Variants in ATXN10 observed in about 807,000 individuals in gnomAD.
ATXN10 encodes ataxin 10, also known as ataxin-10.
A neutral mutation model predicts 52.9 loss-of-function variants in ATXN10; 28 were observed. The ratio of observed to expected loss-of-function variants is 0.53; its 90% CI spans 0.39 to 0.73. ATXN10 has a LOEUF of 0.73. Ranked by LOEUF, ATXN10 falls within the 30% of genes least tolerant of loss-of-function variation. The probability of loss-of-function intolerance (pLI) is 0.00; values close to 1 mark genes in which losing one functional copy is unlikely to be tolerated. For missense variants in ATXN10, 565 were observed against 577.0 expected (o/e 0.98, Z 0.21); for synonymous variants, 226 against 221.5 (o/e 1.02, Z -0.18).
In ATXN10 at chr22:45,833,554, T is replaced by C. The variant is rs552246585; in HGVS notation, c.1238-9437T>C. On this transcript the variant is annotated intron_variant, in intron 10 of 11. Coordinates refer to ENST00000252934, the MANE Select transcript of ATXN10 (RefSeq NM_013236.4). The surrounding 1 kb of genome is among the most constrained non-coding windows in gnomAD (Gnocchi z 4.3). ...CAGTGCTAGACGAACACTAATGTCT[T>C]ATAACTTAGGTGGGTTTACTTTTTC... is the stretch of plus-strand genomic sequence containing the variant. Among the ~76,000 whole-genome samples the C allele has an allele frequency of 6.6e-6, 1 of 152,338 alleles. No homozygotes were observed. Among genetic ancestry groups the C allele is most frequent in the Admixed American group, 6.5e-5 (1 of 15,304 alleles).
rs1036535421 is a variant in ATXN10, at chr22:45,681,303, A to G, written c.117-8409A>G. Among the ~76,000 whole-genome samples the G allele has an allele frequency of 6.6e-6, 1 of 151,634 alleles. No individual in the cohort carries two copies. Among genetic ancestry groups the G allele is most frequent in the Admixed American group, 6.5e-5 (1 of 15,272 alleles). On this transcript the variant is annotated intron_variant, in intron 1 of 11. Transcript: ENST00000252934. The surrounding 1 kb of genome is among the most constrained non-coding windows in gnomAD (Gnocchi z 4.2). ...CATCCCATCTCAGACACACATTGCC[A>G]TACCTTACTTAGACTTTATCCATAA...
rs148590755 is a variant in ATXN10 at position 45,757,466 on chromosome 22, G to C, written c.1173+16928G>C. Reference sequence around the variant, plus strand: ...GGGATTCAGGATTTCGCTGCTCCCCGTTCAAGGCCTCTGGAGAATGTTCCA... The same window carrying C: ...GGGATTCAGGATTTCGCTGCTCCCCCTTCAAGGCCTCTGGAGAATGTTCCA... On this transcript the variant is annotated intron_variant, in intron 9 of 11. Transcript: ENST00000252934. This position sits in a 1 kb window ranked among gnomAD's most constrained non-coding sequence, Gnocchi z 4.6. Among the ~76,000 whole-genome samples, 1 of 152,138 alleles carries C rather than the reference G, an allele frequency of 6.6e-6. No homozygotes were observed. Among genetic ancestry groups the C allele is most frequent in the Non-Finnish European group, 1.5e-5 (1 of 68,016 alleles).
At chr22:45,697,755 C>T (rs142967850) in intron 3 of ATXN10, among the ~76,000 whole-genome samples, 2,788 of 152,220 alleles carry the variant, frequency 0.018, 42 homozygotes, top group Non-Finnish European at 0.03. Flanking sequence ...CTCAGCCTCC[C>T]GCACAGCTGG....
chr22:45,719,787 C>T (rs1924581086), intron 6 of ATXN10, among the ~76,000 whole-genome samples: 1 of 152,204 alleles, frequency 6.6e-6, no homozygotes, highest in Non-Finnish European at 1.5e-5. Flanking sequence ...GTCACCTCCT[C>T]TTGCCCCTGC....
chr22:45,689,925 A>C, intron 2 of ATXN10, 22 bp downstream of exon 2: 5 of 1,611,332 alleles, frequency 3.1e-6, no homozygotes, highest in Non-Finnish European at 4.2e-6. Flanking sequence ...CGTACCTTGG[A>C]TTCTGTTTCT....
At chr22:45,779,724 G>A in intron 9 of ATXN10, among the ~76,000 whole-genome samples, 1 of 152,162 alleles carries the variant, frequency 6.6e-6, no homozygotes, top group East Asian at 1.9e-4. Context: ...GCCTTGCATG[G>A]TTACAGACAA....
intron 7 of ATXN10, among the ~76,000 whole-genome samples, chr22:45,737,450 G>A (rs933950648): frequency 2.0e-5 from 3 of 152,062 alleles, no homozygotes; most frequent in Non-Finnish European, 4.4e-5. Context: ...TTTTAACATG[G>A]TACTACTAAT....
Position 45,823,210 on chromosome 22 carries a change from C to T in ATXN10, c.1237+16188C>T. ...TCCCGTCTCCCTCACTGCCAATCCC[C>T]AGATGTAACTTCTGTTCTGACTTCT... On this transcript the variant is annotated intron_variant, in intron 10 of 11. Transcript: ENST00000252934. The surrounding 1 kb of genome is among the most constrained non-coding windows in gnomAD (Gnocchi z 4.9). 2.1e-6 allele frequency: 1 copy of T among 471,664 alleles called. No homozygotes were observed. The highest frequency in any genetic ancestry group is 4.4e-6 in the Non-Finnish European group (1 of 227,172). 29.2% of individuals were successfully genotyped at this position (471,664 alleles called of 1,614,324 possible). A position where few individuals can be genotyped will look rare whatever the true frequency, so the allele number is the denominator to read the frequency against.
At chr22:45,788,688 C>T (rs1927403582) in intron 9 of ATXN10, among the ~76,000 whole-genome samples, 1 of 151,998 alleles carries the variant, frequency 6.6e-6, no homozygotes, top group Non-Finnish European at 1.5e-5. Context: ...ACAGGGTCTC[C>T]CTCTGCTGCC....
rs1318834222 is a variant in ATXN10 at position 45,837,115 on chromosome 22, A to T, written c.1238-5876A>T. 6.7e-6 allele frequency among the ~76,000 whole-genome samples: 1 copy of T among 148,606 alleles called. No homozygotes were observed. On this transcript the variant is annotated intron_variant, in intron 10 of 11. Transcript: ENST00000252934. This position sits in a 1 kb window ranked among gnomAD's most constrained non-coding sequence, Gnocchi z 5.8. ...GATGCGAAAACAATGCAGATATTACATATAATATATGTATCTGTTATACAG... is the reference window on the plus strand; with the variant it reads ...GATGCGAAAACAATGCAGATATTACTTATAATATATGTATCTGTTATACAG...
At chr22:45,713,020 A>G (rs1366333885) in intron 5 of ATXN10, among the ~76,000 whole-genome samples, 1 of 151,838 alleles carries the variant, frequency 6.6e-6, no homozygotes, top group Non-Finnish European at 1.5e-5. Flanking sequence ...TATTTTACTC[A>G]TGTTGTGAGT....
Position 45,786,907 on chromosome 22 carries a change from C to T in ATXN10, c.1174-20052C>T, listed in dbSNP as rs762913707. Among the ~76,000 whole-genome samples, 1 of 151,978 alleles carries T rather than the reference C, an allele frequency of 6.6e-6. No individual in the cohort carries two copies. Among genetic ancestry groups the T allele is most frequent in the Non-Finnish European group, 1.5e-5 (1 of 67,992 alleles). On this transcript the variant is annotated intron_variant, in intron 9 of 11. Transcript: ENST00000252934. This position sits in a 1 kb window ranked among gnomAD's most constrained non-coding sequence, Gnocchi z 4.1. Reference sequence around the variant, plus strand: ...TTTGTTTTGTTTTTGTCCAGTAATTCTTTTCGGAATTTCTCCAAAGGAAAT... The same window carrying T: ...TTTGTTTTGTTTTTGTCCAGTAATTTTTTTCGGAATTTCTCCAAAGGAAAT...
At chr22:45,791,266 A>G (rs1019590106) in intron 9 of ATXN10, among the ~76,000 whole-genome samples, 4 of 152,166 alleles carry the variant, frequency 2.6e-5, no homozygotes, top group African/African-American at 7.2e-5. Flanking sequence ...GATTTTCTGA[A>G]CATCCTTGAT....
chr22:45,798,935 C>A (rs1927839520), intron 9 of ATXN10, among the ~76,000 whole-genome samples: 1 of 152,066 alleles, frequency 6.6e-6, no homozygotes, highest in South Asian at 2.1e-4. Flanking sequence ...TGTGCAAGAC[C>A]TATACTCTGA....
intron 9 of ATXN10, among the ~76,000 whole-genome samples, chr22:45,751,760 AAAAAATAAT>A (rs1368635764): frequency 0.037 from 2,292 of 62,752 alleles, 46 homozygotes; most frequent in African/African-American, 0.13. Flanking sequence ...AAAAATAAAA[AAAAAATAAT>A]AATAATAATA....
chr22:45,807,399 C>T (rs911775854), intron 10 of ATXN10, among the ~76,000 whole-genome samples: 9 of 152,306 alleles, frequency 5.9e-5, no homozygotes, highest in African/African-American at 2.2e-4. Context: ...TATAGAGATT[C>T]TGAGTACCCA....
chr22:45,676,193 A>G (rs1922682269), intron 1 of ATXN10: 2 of 150,662 alleles, frequency 1.3e-5, no homozygotes, highest in Admixed American at 6.6e-5. Context: ...GGGTCTCACT[A>G]TGTTGCCCAG....
At chr22:45,793,899 G>C in intron 9 of ATXN10, 1 of 1,218,700 alleles carries the variant, frequency 8.2e-7, no homozygotes, top group Non-Finnish European at 1.0e-6. Context: ...TATAGCAGCA[G>C]CAGAGGTGCT....
chr22:45,726,630 TC>T (rs1924881380), intron 6 of ATXN10, among the ~76,000 whole-genome samples: 1 of 152,368 alleles, frequency 6.6e-6, no homozygotes, highest in East Asian at 1.9e-4. Context: ...ATCTTTTGTT[TC>T]GATTTCATTT....
Sources: gnomAD v4.1 joint callset for allele counts (sites outside exome capture counted in the v4.1 genomes callset) on GRCh38, gnomAD v4.1.1 for gene constraint, Gnocchi (gnomAD v3.1) non-coding constraint, MANE v1.5 for transcripts, NCBI Gene and HGNC (gene_info 2026-07-23, HGNC 2026-07-21) for gene names.